PCDHGA1: variants seen among roughly 807,000 people sequenced by gnomAD.
The protein encoded by PCDHGA1 is protocadherin gamma-A1.
In PCDHGA1, 32 loss-of-function variants were observed where a neutral mutation model predicts 58.0. The ratio of observed to expected loss-of-function variants is 0.55; its 90% CI spans 0.42 to 0.74. PCDHGA1 has a LOEUF of 0.74. Ranked by LOEUF, PCDHGA1 falls within the 30% of genes least tolerant of loss-of-function variation. The pLI is 0.00. For missense variants in PCDHGA1, 1,205 were observed against 1,182.3 expected (o/e 1.02, Z -0.28); for synonymous variants, 498 against 501.1 (o/e 0.99, Z 0.08).
chr5:141,395,327 AAAT>A (rs760723981), intron 1 of PCDHGA1: 2 of 1,469,018 alleles, frequency 1.4e-6, no homozygotes, highest in Non-Finnish European at 1.8e-6. Flanking sequence ...AGATAGTTGA[AAAT>A]AATTTTTAAG....
At chr5:141,349,051 G>A (rs538909066) in intron 1 of PCDHGA1, among the ~76,000 whole-genome samples, 1 of 151,964 alleles carries the variant, frequency 6.6e-6, no homozygotes, top group Non-Finnish European at 1.5e-5. Context: ...GGTATAAGTC[G>A]GCTGGAGCTG....
chr5:141,408,636 C>T (rs1236637669), intron 1 of PCDHGA1: 2 of 1,614,024 alleles, frequency 1.2e-6, no homozygotes. Flanking sequence ...ATTTTCGAAT[C>T]TGCATCCGCT....
In PCDHGA1 at chr5:141,431,620, G is replaced by T; in HGVS notation, c.2422-63187G>T. 6.2e-7 allele frequency: 1 copy of T among 1,614,232 alleles called. No individual in the cohort carries two copies. The highest frequency in any genetic ancestry group is 8.5e-7 in the Non-Finnish European group (1 of 1,180,050). Reference sequence around the variant, plus strand: ...ATTCCTTCCGGTATGTGGACGACAAGGCGGCCCAAGTTTTCAAACTAGATT... The same window carrying T: ...ATTCCTTCCGGTATGTGGACGACAATGCGGCCCAAGTTTTCAAACTAGATT... On this transcript the variant is annotated intron_variant, in intron 1 of 3. Transcript: ENST00000517417. The surrounding 1 kb of genome is among the most constrained non-coding windows in gnomAD (Gnocchi z 4.8).
rs1410460145 is a variant in PCDHGA1 at position 141,490,798 on chromosome 5, C to T, written c.2422-4009C>T. On this transcript the variant is annotated intron_variant, in intron 1 of 3. Coordinates refer to ENST00000517417, the MANE Select transcript of PCDHGA1 (RefSeq NM_018912.3). The surrounding 1 kb of genome is among the most constrained non-coding windows in gnomAD (Gnocchi z 5.4). The stretch of plus-strand genomic sequence containing the variant: ...AGAGGATGGACGGATCTTTGCCCAG[C>T]GTACCTTTGACTATGAATTGCTGCA... 9.3e-6 allele frequency: 15 copies of T among 1,613,808 alleles called. No individual in the cohort carries two copies. Among genetic ancestry groups the T allele is most frequent in the Admixed American group, 6.7e-5 (4 of 60,002 alleles).
chr5:141,399,527 T>C lies in PCDHGA1; in HGVS notation c.2421+66422T>C, dbSNP rs781680585. ...GAAAACAACCCTCCTGGGGCCTCCA[T>C]CGCGCAAGTCTGCGCCTCGGACCTG... is the stretch of plus-strand genomic sequence containing the variant. On this transcript the variant is annotated intron_variant, in intron 1 of 3. Transcript: ENST00000517417. The C allele has an allele frequency of 1.4e-4, 229 of 1,613,898 alleles. No homozygotes were observed. The highest frequency in any genetic ancestry group is 1.9e-4 in the Non-Finnish European group (225 of 1,179,892).
At position 141,432,579 on chromosome 5, in the gene PCDHGA1, G is replaced by T; in HGVS notation, c.2422-62228G>T. On this transcript the variant is annotated intron_variant, in intron 1 of 3. Coordinates refer to ENST00000517417, the MANE Select transcript of PCDHGA1 (RefSeq NM_018912.3). This position sits in a 1 kb window ranked among gnomAD's most constrained non-coding sequence, Gnocchi z 6.0. ...GGCCAGAACGCCTGGCTGTCCTACC[G>T]TCTGCTCAAGGCCAGCGAGCCGGGA... is the stretch of plus-strand genomic sequence containing the variant. 1 of 1,613,860 alleles carries T rather than the reference G, an allele frequency of 6.2e-7. No homozygotes were observed. Among genetic ancestry groups the T allele is most frequent in the Non-Finnish European group, 8.5e-7 (1 of 1,179,984 alleles).
chr5:141,385,984 T>C (rs75507773), intron 1 of PCDHGA1: 11 of 152,336 alleles, frequency 7.2e-5, no homozygotes, highest in African/African-American at 1.7e-4. Context: ...CAATAAAATA[T>C]GTCAAATAAA....
At chr5:141,364,958 C>A in intron 1 of PCDHGA1, 4 of 1,613,958 alleles carry the variant, frequency 2.5e-6, no homozygotes, top group Non-Finnish European at 1.7e-6. Flanking sequence ...TGTTCACGAC[C>A]TCCTCCTCAC....
chr5:141,386,913 A>T lies in PCDHGA1; in HGVS notation c.2421+53808A>T, dbSNP rs575520734. On this transcript the variant is annotated intron_variant, in intron 1 of 3. Coordinates refer to ENST00000517417, the MANE Select transcript of PCDHGA1 (RefSeq NM_018912.3). ...TCCTTCAATTCAGAGGTCACCAAGG[A>T]ATGTAAAATAAGTGCAGAGGTAGGA... Among the ~76,000 whole-genome samples the T allele has an allele frequency of 1.0e-3, 156 of 152,358 alleles. 1 individual carries two copies. The Middle Eastern group carries it at 0.017, about 17-fold the overall frequency.
chr5:141,368,908 A>G (rs1325459876), intron 1 of PCDHGA1, among the ~76,000 whole-genome samples: 7 of 152,216 alleles, frequency 4.6e-5, no homozygotes, highest in Admixed American at 3.9e-4. Flanking sequence ...GTTTGTATAA[A>G]GGTGACAATG....
chr5:141,417,732 C>T (rs2096153715), intron 1 of PCDHGA1: 4 of 1,390,342 alleles, frequency 2.9e-6, no homozygotes, highest in Admixed American at 2.8e-5. Context: ...AGACCTTGCC[C>T]AGCACACCAG....
chr5:141,394,321 C>T lies in PCDHGA1; in HGVS notation c.2421+61216C>T, dbSNP rs11575959. ...ACGCTGCAGGGGGCGCCCCTGTCCT[C>T]GTATATCTCCATCAACTCTGACACC... On this transcript the variant is annotated intron_variant, in intron 1 of 3. Coordinates refer to ENST00000517417, the MANE Select transcript of PCDHGA1 (RefSeq NM_018912.3). 25 of 1,613,846 alleles carry T rather than the reference C, an allele frequency of 1.5e-5. No homozygotes were observed. The Admixed American group carries it at 2.7e-4, about 17-fold the overall frequency.
At chr5:141,383,639 A>G in intron 1 of PCDHGA1, 3 of 1,613,964 alleles carry the variant, frequency 1.9e-6, no homozygotes, top group Non-Finnish European at 2.5e-6. Flanking sequence ...CTGCCTCAGT[A>G]CCAAGTAACT....
intron 1 of PCDHGA1, among the ~76,000 whole-genome samples, chr5:141,359,857 A>AAAAAG (rs1258075197): frequency 2.0e-5 from 3 of 152,212 alleles, no homozygotes; most frequent in South Asian, 2.1e-4. Context: ...TTATAAATTA[A>AAAAAG]AAAAGAAAAG....
At chr5:141,503,309 A>G (rs2099819130) in intron 2 of PCDHGA1, among the ~76,000 whole-genome samples, 1 of 152,034 alleles carries the variant, frequency 6.6e-6, no homozygotes, top group Non-Finnish European at 1.5e-5. Flanking sequence ...TCAAGAAAGA[A>G]TTGTTGGAGG....
intron 1 of PCDHGA1, chr5:141,365,768 G>C: frequency 6.2e-7 from 1 of 1,613,812 alleles, no homozygotes. Flanking sequence ...CCATGACCCC[G>C]ACAGCGGCGA....
intron 1 of PCDHGA1, chr5:141,375,127 T>C (rs368439130): frequency 2.5e-6 from 4 of 1,613,808 alleles, no homozygotes; most frequent in African/African-American, 1.3e-5. Flanking sequence ...CAGAAGTGGT[T>C]GTTACATCTG....
At chr5:141,404,387 C>G in intron 1 of PCDHGA1, 3 of 1,613,874 alleles carry the variant, frequency 1.9e-6, no homozygotes, top group Non-Finnish European at 2.5e-6. Context: ...TGCCTATGAC[C>G]CTGATAGCAA....
rs201825683 is a variant in PCDHGA1 at position 141,404,916 on chromosome 5, C to T, written c.2421+71811C>T. The T allele has an allele frequency of 1.5e-4, 243 of 1,613,780 alleles. No homozygotes were observed. The highest frequency in any genetic ancestry group is 1.1e-4 in the Non-Finnish European group (126 of 1,179,862). ...CAGGACCATGGCCAGCCCCCTCTCTCGGCCACTGTCACGCTCACAGTAGCC... is the reference window on the plus strand; with the variant it reads ...CAGGACCATGGCCAGCCCCCTCTCTTGGCCACTGTCACGCTCACAGTAGCC... On this transcript the variant is annotated intron_variant, in intron 1 of 3. Transcript: ENST00000517417.
Sources: allele counts gnomAD v4.1 joint callset (sites outside exome capture counted in the v4.1 genomes callset), GRCh38; gene constraint gnomAD v4.1.1; non-coding constraint Gnocchi (gnomAD v3.1); transcripts MANE v1.5; gene names NCBI Gene and HGNC (gene_info 2026-07-23, HGNC 2026-07-21).